The following PTPRM variants were observed in gnomAD, a reference collection of about 807,000 sequenced individuals.
PTPRM encodes receptor-type tyrosine-protein phosphatase mu.
A neutral mutation model predicts 186.7 loss-of-function variants in PTPRM; 47 were observed. That is an observed-to-expected ratio of 0.25 (90% CI 0.20 to 0.32). The LOEUF (loss-of-function observed/expected upper bound fraction) is 0.32, where lower values mean the gene tolerates loss of function less well. Ranked by LOEUF, PTPRM falls within the 10% of genes least tolerant of loss-of-function variation. The pLI is 1.00. For missense variants in PTPRM, 1,494 were observed against 1,865.0 expected (o/e 0.80, Z 3.66); for synonymous variants, 668 against 674.9 (o/e 0.99, Z 0.16).
At chr18:7,888,995 A>T (rs2146356766) in intron 3 of PTPRM, among the ~76,000 whole-genome samples, 1 of 152,268 alleles carries the variant, frequency 6.6e-6, no homozygotes, top group East Asian at 1.9e-4. Flanking sequence ...TGGAAAAACT[A>T]ACTTTTGGGT....
intron 23 of PTPRM, among the ~76,000 whole-genome samples, chr18:8,355,475 T>C (rs1004229903): frequency 8.5e-5 from 13 of 152,188 alleles, no homozygotes; most frequent in African/African-American, 2.6e-4. Flanking sequence ...TAGGGAGAAC[T>C]GAGGCCTTGT....
chr18:8,163,717 A>C (rs2093272155), intron 14 of PTPRM, among the ~76,000 whole-genome samples: 3 of 152,238 alleles, frequency 2.0e-5, no homozygotes, highest in South Asian at 2.1e-4. Context: ...ACCATTAACA[A>C]GTTCATAGTT....
intron 11 of PTPRM, among the ~76,000 whole-genome samples, chr18:8,107,220 A>G (rs1035947433): frequency 6.6e-6 from 1 of 152,206 alleles, no homozygotes; most frequent in Non-Finnish European, 1.5e-5. Context: ...AATTGTCTTC[A>G]CTTGTTAAAA....
At chr18:7,676,669 G>GTA (rs1568022314) in intron 1 of PTPRM, among the ~76,000 whole-genome samples, 85 of 149,172 alleles carry the variant, frequency 5.7e-4, no homozygotes, top group African/African-American at 2.0e-3. Flanking sequence ...GTGTATGTGT[G>GTA]TGTGTGTGTG....
intron 22 of PTPRM, among the ~76,000 whole-genome samples, chr18:8,320,960 T>C (rs2095342090): frequency 6.6e-6 from 1 of 152,150 alleles, no homozygotes; most frequent in South Asian, 2.1e-4. Flanking sequence ...CAGCTTGAGC[T>C]CTTACATATG....
chr18:7,653,739 C>A (rs997645538), intron 1 of PTPRM, among the ~76,000 whole-genome samples: 2 of 152,140 alleles, frequency 1.3e-5, no homozygotes, highest in Non-Finnish European at 2.9e-5. Flanking sequence ...TATGTTGATT[C>A]CATGTCCTTG....
At chr18:7,961,373 G>A (rs747574980) in intron 7 of PTPRM, among the ~76,000 whole-genome samples, 3 of 152,160 alleles carry the variant, frequency 2.0e-5, no homozygotes, top group Non-Finnish European at 4.4e-5. Flanking sequence ...GAATCATGCA[G>A]TATTTGTCTT....
intron 7 of PTPRM, among the ~76,000 whole-genome samples, chr18:7,994,838 G>A (rs2083451174): frequency 6.6e-6 from 1 of 152,022 alleles, no homozygotes; most frequent in Non-Finnish European, 1.5e-5. Flanking sequence ...TAAGAGGGAA[G>A]TTTATAGTAA....
intron 7 of PTPRM, among the ~76,000 whole-genome samples, chr18:8,037,879 G>A (rs1217802256): frequency 6.6e-6 from 1 of 152,106 alleles, no homozygotes; most frequent in Non-Finnish European, 1.5e-5. Flanking sequence ...TTGTATGTTA[G>A]CTCCTGATCA....
Position 7,840,769 on chromosome 18 carries a change from G to A in PTPRM, c.197-47337G>A, listed in dbSNP as rs1464914303. Among the ~76,000 whole-genome samples the A allele has an allele frequency of 3.9e-5, 6 of 152,346 alleles. No individual in the cohort carries two copies. In the East Asian group the frequency reaches 9.6e-4, roughly 24 times the overall value. On this transcript the variant is annotated intron_variant, in intron 2 of 32. Transcript: ENST00000580170. Reference sequence around the variant, plus strand: ...GAAACATATGGTACAACAGTTGGCTGTAGAATTTGTTTTGTTATAACTTCA... The same window carrying A: ...GAAACATATGGTACAACAGTTGGCTATAGAATTTGTTTTGTTATAACTTCA...
At chr18:7,579,170 G>T (rs776346682) in intron 1 of PTPRM, among the ~76,000 whole-genome samples, 20 of 152,136 alleles carry the variant, frequency 1.3e-4, no homozygotes, top group Non-Finnish European at 2.9e-4. Context: ...GTTAAAATTG[G>T]CATCATGAAA....
chr18:8,378,456 T>C (rs1476525704), intron 27 of PTPRM, 42 bp downstream of exon 27: 10 of 1,602,140 alleles, frequency 6.2e-6, no homozygotes, highest in Non-Finnish European at 8.5e-6. Context: ...GGTGACTTGC[T>C]CCTCAAGAAG....
intron 2 of PTPRM, among the ~76,000 whole-genome samples, chr18:7,884,948 AAAAGG>A (rs2048704839): frequency 6.7e-6 from 1 of 149,912 alleles, no homozygotes; most frequent in Non-Finnish European, 1.5e-5. Flanking sequence ...AAAAAAAAAA[AAAAGG>A]AGAGAGAGAA....
At chr18:7,588,807 T>G (rs1269956287) in intron 1 of PTPRM, among the ~76,000 whole-genome samples, 2 of 152,338 alleles carry the variant, frequency 1.3e-5, no homozygotes, top group African/African-American at 4.8e-5. Context: ...GTGTGGTTGT[T>G]AAATTGTATA....
rs1226073485 is a variant in PTPRM at position 8,247,878 on chromosome 18, C to A, written c.2486C>A (p.Thr829Lys). The A allele has an allele frequency of 1.2e-6, 2 of 1,607,206 alleles. No homozygotes were observed. Among genetic ancestry groups the A allele is most frequent in the Non-Finnish European group, 1.7e-6 (2 of 1,173,706 alleles). The part of the protein sequence containing the change: ...VSSPSSFTMK[T>K]NTLSTSVPNS... ...TCACCATCGTCCTTCACAATGAAAA[C>A]AAATACACTGAGCACATCGGTGCCT... Residue 829 changes from threonine (T) to lysine (K), a missense_variant, in exon 16 of 33, where the codon ACA becomes AAA. Physicochemically the swap from Thr to Lys is moderately conservative, Grantham distance 78. Coordinates refer to ENST00000580170, the MANE Select transcript of PTPRM (RefSeq NM_001105244.2).
At chr18:8,333,917 G>A (rs772588761) in intron 22 of PTPRM, among the ~76,000 whole-genome samples, 1 of 152,198 alleles carries the variant, frequency 6.6e-6, no homozygotes, top group African/African-American at 2.4e-5. Context: ...TTCTGGTGAT[G>A]CGCTCAAACG....
chr18:7,814,383 A>G (rs2145523254), intron 2 of PTPRM: 1 of 152,358 alleles, frequency 6.6e-6, no homozygotes, highest in East Asian at 1.9e-4. Flanking sequence ...AAAAAGGAAC[A>G]GATTACATCC....
At chr18:7,747,455 T>C (rs1296435605) in intron 1 of PTPRM, 1 of 152,278 alleles carries the variant, frequency 6.6e-6, no homozygotes, top group African/African-American at 2.4e-5. Context: ...CAGCAGAAAT[T>C]GATTGTCTCA....
chr18:7,573,147 A>G (rs1350993610), intron 1 of PTPRM, among the ~76,000 whole-genome samples: 1 of 152,194 alleles, frequency 6.6e-6, no homozygotes. Context: ...CAAAAACAGG[A>G]TGAGAAGAGA....
Sources: gnomAD v4.1 joint callset for allele counts (sites outside exome capture counted in the v4.1 genomes callset) on GRCh38, gnomAD v4.1.1 for gene constraint, MANE v1.5 for transcripts, NCBI Gene and HGNC (gene_info 2026-07-23, HGNC 2026-07-21) for gene names.